The following NAA35 variants were observed in gnomAD, a reference collection of about 807,000 sequenced individuals.
NAA35 encodes N-alpha-acetyltransferase 35, NatC auxiliary subunit.
A neutral mutation model predicts 101.7 loss-of-function variants in NAA35; 18 were observed. The ratio of observed to expected loss-of-function variants is 0.18; its 90% CI spans 0.12 to 0.26. The LOEUF is 0.26. Ranked by LOEUF, NAA35 falls within the 10% of genes least tolerant of loss-of-function variation. NAA35 has a pLI of 1.00. For missense variants in NAA35, 601 were observed against 886.8 expected (o/e 0.68, Z 4.09); for synonymous variants, 267 against 273.1 (o/e 0.98, Z 0.22).
At position 85,958,384 on chromosome 9, in the gene NAA35, A is replaced by T. The variant is rs968390069; in HGVS notation, c.159-88A>T. 8.4e-6 allele frequency: 6 copies of T among 712,758 alleles called. No individual in the cohort carries two copies. The Admixed American group carries it at 1.8e-4, about 21-fold the overall frequency. 44.2% of individuals were successfully genotyped at this position (712,758 alleles called of 1,614,324 possible). On this transcript the variant is annotated intron_variant, in intron 3 of 22. Transcript: ENST00000361671. ...AATGCATAGAATACTTTAGTTATTA[A>T]AAGTAGTATAATTTTATACCGTTGT... is the stretch of plus-strand genomic sequence containing the variant.
chr9:85,995,431 TA>T (rs1489347924), intron 11 of NAA35, among the ~76,000 whole-genome samples: 3 of 151,962 alleles, frequency 2.0e-5, no homozygotes, highest in Non-Finnish European at 4.4e-5. Context: ...TTAGAATAAG[TA>T]ACATCAACCA....
rs1455655241 is a variant in NAA35, at chr9:85,973,794, C to G, written c.517-1173C>G. Among the ~76,000 whole-genome samples the G allele has an allele frequency of 2.6e-5, 4 of 151,398 alleles. No individual in the cohort carries two copies. In the South Asian group the frequency reaches 6.3e-4, roughly 24 times the overall value. ...TGATCATGTAAGTCATAAAATACAC[C>G]TGAGTTCTTTGAGACCAAGGACATT... On this transcript the variant is annotated intron_variant, in intron 6 of 22. Coordinates refer to ENST00000361671, the MANE Select transcript of NAA35 (RefSeq NM_024635.4).
intron 2 of NAA35, among the ~76,000 whole-genome samples, chr9:85,956,085 T>G (rs1199799447): frequency 6.6e-6 from 1 of 152,200 alleles, no homozygotes; most frequent in Non-Finnish European, 1.5e-5. Flanking sequence ...GGTTGGTAAT[T>G]CTGATTGGAA....
At chr9:85,964,399 A>C (rs1013800778) in intron 6 of NAA35, among the ~76,000 whole-genome samples, 52 of 152,172 alleles carry the variant, frequency 3.4e-4, no homozygotes, top group African/African-American at 1.3e-3. Context: ...TCGAAGAAAA[A>C]GGGCACTGTC....
intron 11 of NAA35, among the ~76,000 whole-genome samples, chr9:85,981,455 A>G (rs538282655): frequency 6.6e-6 from 1 of 152,184 alleles, no homozygotes; most frequent in Non-Finnish European, 1.5e-5. Context: ...CTCCTGGGCT[A>G]TTCTGCTCTG....
intron 21 of NAA35, among the ~76,000 whole-genome samples, chr9:86,019,209 A>G (rs1387343858): frequency 6.6e-6 from 1 of 152,054 alleles, no homozygotes; most frequent in East Asian, 1.9e-4. Flanking sequence ...CTGTAATCTC[A>G]GCACTTTGGG....
At chr9:86,004,140 C>T (rs890198518) in intron 13 of NAA35, among the ~76,000 whole-genome samples, 2 of 152,044 alleles carry the variant, frequency 1.3e-5, no homozygotes, top group South Asian at 2.1e-4. Flanking sequence ...TAATCTCACT[C>T]GTTGCCCAGG....
intron 11 of NAA35, among the ~76,000 whole-genome samples, chr9:85,979,433 A>G (rs1830344156): frequency 6.6e-6 from 1 of 152,244 alleles, no homozygotes; most frequent in African/African-American, 2.4e-5. Context: ...CTATGACCTA[A>G]TGCTTGCTTG....
At chr9:85,981,091 A>G (rs1830418358) in intron 11 of NAA35, among the ~76,000 whole-genome samples, 1 of 152,204 alleles carries the variant, frequency 6.6e-6, no homozygotes. Flanking sequence ...CAGTATTGTC[A>G]TAATTTTTGT....
chr9:85,960,523 T>C (rs1829469438), intron 5 of NAA35, among the ~76,000 whole-genome samples: 1 of 152,230 alleles, frequency 6.6e-6, no homozygotes, highest in African/African-American at 2.4e-5. Context: ...TTTTCACTTA[T>C]GTTTTACATG....
chr9:86,022,502 G>T lies in NAA35; in HGVS notation c.*542G>T, dbSNP rs1222218199. Among the ~76,000 whole-genome samples, 1 of 152,146 alleles carries T rather than the reference G, an allele frequency of 6.6e-6. No homozygotes were observed. Among genetic ancestry groups the T allele is most frequent in the African/African-American group, 2.4e-5 (1 of 41,424 alleles). On this transcript the variant is annotated 3_prime_UTR_variant, in exon 23 of 23. Coordinates refer to ENST00000361671, the MANE Select transcript of NAA35 (RefSeq NM_024635.4). ...AGGGCCTCTAAATTACATGAAAATT[G>T]TGATTTTTATGTGTCATGACATCAC... is the stretch of plus-strand genomic sequence containing the variant.
intron 6 of NAA35, among the ~76,000 whole-genome samples, chr9:85,971,053 C>T (rs955076728): frequency 2.9e-4 from 44 of 152,204 alleles, no homozygotes; most frequent in African/African-American, 1.0e-3. Flanking sequence ...CTTCACTACT[C>T]GCTTACTCTT....
intron 2 of NAA35, among the ~76,000 whole-genome samples, chr9:85,944,124 A>G (rs986143553): frequency 6.6e-6 from 1 of 152,206 alleles, no homozygotes; most frequent in Admixed American, 6.5e-5. Context: ...CTCAGTAAGT[A>G]ATGTAGTAAG....
intron 13 of NAA35, 104 bp downstream of exon 13, chr9:86,003,748 C>A: frequency 3.2e-6 from 2 of 627,566 alleles, no homozygotes; most frequent in South Asian, 2.9e-5. Flanking sequence ...AAAGGATTTT[C>A]CAGTTAGTGT....
chr9:86,007,431 G>A lies in NAA35; in HGVS notation c.1190G>A (p.Arg397Gln), dbSNP rs748647154. The A allele has an allele frequency of 1.2e-6, 2 of 1,613,464 alleles. No homozygotes were observed. Among genetic ancestry groups the A allele is most frequent in the South Asian group, 1.1e-5 (1 of 91,028 alleles). Residue 397 changes from arginine (R) to glutamine (Q), a missense_variant, in exon 14 of 23, where the codon CGG becomes CAG. Physicochemically the swap from Arg to Gln is conservative, Grantham distance 43. Transcript: ENST00000361671. ...LMQDMVKDAL[R>Q]SFVSPPVLSP... ...CAAGACATGGTGAAAGATGCACTTC[G>A]GTCTTTTGTCAGTCCTCCGGTGCTT... is the stretch of plus-strand genomic sequence containing the variant.
chr9:85,996,667 T>G, intron 12 of NAA35, 90 bp downstream of exon 12: 1 of 969,894 alleles, frequency 1.0e-6, no homozygotes, highest in Non-Finnish European at 1.5e-6. Flanking sequence ...TAACTTTGGT[T>G]TAACAACAGA....
intron 2 of NAA35, among the ~76,000 whole-genome samples, chr9:85,951,758 G>A (rs1050715340): frequency 1.6e-4 from 24 of 152,180 alleles, no homozygotes; most frequent in Admixed American, 1.2e-3. Context: ...GGGTTCAAGG[G>A]ATTCTCCTGC....
chr9:85,978,851 C>T (rs900424605), intron 11 of NAA35, among the ~76,000 whole-genome samples: 2 of 152,062 alleles, frequency 1.3e-5, no homozygotes, highest in African/African-American at 4.8e-5. Flanking sequence ...GGGACAGTTA[C>T]CATCTTTATT....
rs73476910 is a variant in NAA35 at position 85,997,328 on chromosome 9, T to C, written c.1056+751T>C. On this transcript the variant is annotated intron_variant, in intron 12 of 22. Transcript: ENST00000361671. ...CTCCCAAGTAGCTGGGAGAGACACA[T>C]GCCACTAGACTTGGATAATTTTTTT... 8.4e-3 allele frequency among the ~76,000 whole-genome samples: 1,265 copies of C among 151,386 alleles called. 22 individuals are homozygous for C. The highest frequency in any genetic ancestry group is 0.03 in the African/African-American group (1,218 of 41,238).
Sources: allele counts gnomAD v4.1 joint callset (sites outside exome capture counted in the v4.1 genomes callset), GRCh38; gene constraint gnomAD v4.1.1; transcripts MANE v1.5; gene names NCBI Gene and HGNC (gene_info 2026-07-23, HGNC 2026-07-21).